TMEM117: variants seen among roughly 807,000 people sequenced by gnomAD.
The protein encoded by TMEM117 is transmembrane protein 117.
TMEM117 carries 27 observed loss-of-function variants against 52.4 expected under a neutral mutation model. The observed-to-expected ratio is 0.51, with a 90% CI of 0.38 to 0.71. The LOEUF (loss-of-function observed/expected upper bound fraction) is 0.71. Among genes scored for constraint, TMEM117 ranks in the 30% least tolerant of loss-of-function variants. TMEM117 has a pLI of 0.00. For synonymous variants in TMEM117, 215 were observed against 206.3 expected (o/e 1.04, Z -0.36); for missense variants, 556 against 630.5 (o/e 0.88, Z 1.26).
chr12:44,253,177 A>G (rs987341684), intron 5 of TMEM117, among the ~76,000 whole-genome samples: 1 of 152,198 alleles, frequency 6.6e-6, no homozygotes, highest in Non-Finnish European at 1.5e-5. Context: ...CTAATTAAAC[A>G]TTAATGAATA....
chr12:44,016,535 C>G (rs2137822063), intron 3 of TMEM117, among the ~76,000 whole-genome samples: 1 of 152,156 alleles, frequency 6.6e-6, no homozygotes, highest in East Asian at 1.9e-4. Flanking sequence ...TTTTTTTTCT[C>G]TAGGGCTTTC....
the TMEM117 span, among the ~76,000 whole-genome samples, chr12:43,816,326 G>A: frequency 8.0e-5 from 12 of 150,932 alleles, no homozygotes; most frequent in East Asian, 7.8e-4. Flanking sequence ...CACTACCCAC[G>A]ATGTTACTCA....
intron 2 of TMEM117, among the ~76,000 whole-genome samples, chr12:43,932,264 A>G (rs987564868): frequency 5.9e-5 from 9 of 151,706 alleles, no homozygotes; most frequent in African/African-American, 2.2e-4. Flanking sequence ...AATAATTTAT[A>G]TAAAATAACT....
At chr12:43,917,955 C>G (rs1374971969) in intron 2 of TMEM117, among the ~76,000 whole-genome samples, 2 of 152,106 alleles carry the variant, frequency 1.3e-5, no homozygotes, top group East Asian at 1.9e-4. Flanking sequence ...TGGTCTATGG[C>G]ATTGAGTCAT....
At chr12:43,906,908 G>A (rs1216924705) in intron 2 of TMEM117, among the ~76,000 whole-genome samples, 1 of 152,208 alleles carries the variant, frequency 6.6e-6, no homozygotes, top group African/African-American at 2.4e-5. Context: ...AGGCGGCAGC[G>A]AGGCTGGGGG....
intron 3 of TMEM117, among the ~76,000 whole-genome samples, chr12:44,026,642 A>G (rs938239646): frequency 6.6e-6 from 1 of 152,170 alleles, no homozygotes; most frequent in South Asian, 2.1e-4. Flanking sequence ...GGACTGGAAC[A>G]CTTTTATTTT....
chr12:44,184,492 G>A (rs1949249696), intron 4 of TMEM117, among the ~76,000 whole-genome samples: 1 of 152,118 alleles, frequency 6.6e-6, no homozygotes, highest in Non-Finnish European at 1.5e-5. Context: ...GGGGAGGGGA[G>A]CCCAGGGAGA....
At chr12:44,225,143 A>G (rs1037663451) in intron 5 of TMEM117, among the ~76,000 whole-genome samples, 2 of 152,204 alleles carry the variant, frequency 1.3e-5, no homozygotes, top group South Asian at 2.1e-4. Context: ...AACAAAGACT[A>G]TATGTCAAAG....
At chr12:43,884,026 C>T (rs1043070389) in intron 2 of TMEM117, among the ~76,000 whole-genome samples, 1 of 151,620 alleles carries the variant, frequency 6.6e-6, no homozygotes, top group Non-Finnish European at 1.5e-5. Context: ...AGTCCAGCTA[C>T]TCAGGAAGCT....
intron 6 of TMEM117, among the ~76,000 whole-genome samples, chr12:44,339,923 G>A (rs891533276): frequency 3.3e-5 from 5 of 151,882 alleles, no homozygotes; most frequent in African/African-American, 1.2e-4. Flanking sequence ...TACATTTAAA[G>A]TGAAGAAATA....
intron 3 of TMEM117, among the ~76,000 whole-genome samples, chr12:44,047,770 A>C (rs1946903133): frequency 6.6e-6 from 1 of 152,126 alleles, no homozygotes; most frequent in African/African-American, 2.4e-5. Flanking sequence ...ATATTACTGG[A>C]TATAGTTGGC....
chr12:44,368,219 T>C (rs1951816403), intron 6 of TMEM117, among the ~76,000 whole-genome samples: 1 of 152,048 alleles, frequency 6.6e-6, no homozygotes, highest in Non-Finnish European at 1.5e-5. Context: ...CACACCCAAC[T>C]CACTATTCTC....
intron 6 of TMEM117, among the ~76,000 whole-genome samples, chr12:44,329,773 T>C (rs548140943): frequency 6.6e-5 from 10 of 152,248 alleles, no homozygotes; most frequent in East Asian, 1.9e-4. Context: ...TTTATCCTAT[T>C]GTGTCTGGCT....
chr12:44,155,944 C>T (rs999378406), intron 4 of TMEM117, among the ~76,000 whole-genome samples: 1 of 152,002 alleles, frequency 6.6e-6, no homozygotes, highest in African/African-American at 2.4e-5. Context: ...CTATCGCACC[C>T]TTAAACTTAT....
chr12:43,885,432 A>C (rs1409154182), intron 2 of TMEM117, among the ~76,000 whole-genome samples: 1 of 51,084 alleles, frequency 2.0e-5, no homozygotes, highest in Non-Finnish European at 6.1e-5. Context: ...TTTTTTTTTG[A>C]TATCCAGATA....
chr12:43,996,332 G>A (rs1021088861), intron 3 of TMEM117, among the ~76,000 whole-genome samples: 2 of 151,970 alleles, frequency 1.3e-5, no homozygotes, highest in Non-Finnish European at 2.9e-5. Flanking sequence ...TCACTGAAAC[G>A]TATCATTAAA....
intron 3 of TMEM117, among the ~76,000 whole-genome samples, chr12:44,121,255 A>G (rs1271781988): frequency 1.3e-5 from 2 of 152,218 alleles, no homozygotes; most frequent in African/African-American, 4.8e-5. Flanking sequence ...TCACAGAGCC[A>G]AACCGTATCA....
At chr12:43,834,846 A>G (rs1045721087), upstream of TMEM117, among the ~76,000 whole-genome samples, 1 of 152,206 alleles carries the variant, frequency 6.6e-6, no homozygotes. Flanking sequence ...ATTAGTGGGA[A>G]GTATGGCAGT....
downstream of TMEM117, among the ~76,000 whole-genome samples, chr12:44,390,199 G>GACACACACACAC (rs58917894): frequency 6.3e-3 from 901 of 143,678 alleles, 4 homozygotes; most frequent in Middle Eastern, 0.011. Context: ...AAACATATCT[G>GACACACACACAC]ACACACACAC....
Sources: gnomAD v4.1 joint callset for allele counts (sites outside exome capture counted in the v4.1 genomes callset) on GRCh38, gnomAD v4.1.1 for gene constraint, MANE v1.5 for transcripts, NCBI Gene and HGNC (gene_info 2026-07-23, HGNC 2026-07-21) for gene names.